SNX29: variants seen among roughly 807,000 people sequenced by gnomAD.
The protein encoded by SNX29 is sorting nexin 29.
SNX29 carries 78 observed loss-of-function variants against 102.1 expected under a neutral mutation model. That is an observed-to-expected ratio of 0.76 (90% CI 0.64 to 0.92). SNX29 has a LOEUF of 0.92. SNX29 is among the 40% of genes least tolerant of loss of function. SNX29 has a pLI of 0.00. For missense variants in SNX29, 1,280 were observed against 1,061.7 expected (o/e 1.21, Z -2.86); for synonymous variants, 580 against 414.5 (o/e 1.40, Z -4.85).
chr16:12,560,165 T>C (rs1187888134), intron 20 of SNX29, among the ~76,000 whole-genome samples: 2 of 133,074 alleles, frequency 1.5e-5, no homozygotes, highest in Admixed American at 1.7e-4. Flanking sequence ...AAAGCCTTTC[T>C]CACTTTTTTT....
At position 12,096,291 on chromosome 16, in the gene SNX29, T is replaced by A. The variant is rs570565440; in HGVS notation, c.1402+17376T>A. Among the ~76,000 whole-genome samples, 3 of 152,250 alleles carry A rather than the reference T, an allele frequency of 2.0e-5. No homozygotes were observed. Among genetic ancestry groups the A allele is most frequent in the Non-Finnish European group, 4.4e-5 (3 of 68,046 alleles). The stretch of plus-strand genomic sequence containing the variant: ...GAAGGTTCCAGATGGCATTTAGACA[T>A]GCCTCACTTCTTTATCATCTGTTTA... On this transcript the variant is annotated intron_variant, in intron 11 of 20. Transcript: ENST00000566228. The surrounding 1 kb of genome is among the most constrained non-coding windows in gnomAD (Gnocchi z 4.2).
intron 10 of SNX29, among the ~76,000 whole-genome samples, chr16:12,069,378 G>A (rs545981039): frequency 2.6e-5 from 4 of 151,938 alleles, no homozygotes; most frequent in South Asian, 2.1e-4. Context: ...CGATTCTCTT[G>A]CCTGAGCCTC....
Position 12,572,499 on chromosome 16 carries a change from G to C in SNX29, c.*3870G>C. The C allele has an allele frequency of 2.8e-6, 3 of 1,063,788 alleles. No individual in the cohort carries two copies. The highest frequency in any genetic ancestry group is 3.4e-6 in the Non-Finnish European group (3 of 878,308). 65.9% of individuals were successfully genotyped at this position (1,063,788 alleles called of 1,614,324 possible). Reference sequence around the variant, plus strand: ...ACCAGTTCTTGGGGTTCCAGGCCTCGGCCTTCCTGCTCCACGTGCTCAAGC... The same window carrying C: ...ACCAGTTCTTGGGGTTCCAGGCCTCCGCCTTCCTGCTCCACGTGCTCAAGC... On this transcript the variant is annotated 3_prime_UTR_variant, in exon 21 of 21. Coordinates refer to ENST00000566228, the MANE Select transcript of SNX29 (RefSeq NM_032167.5).
chr16:12,038,531 C>G (rs2057539639), intron 4 of SNX29, among the ~76,000 whole-genome samples: 1 of 152,142 alleles, frequency 6.6e-6, no homozygotes, highest in Non-Finnish European at 1.5e-5. Context: ...AGTGTATATC[C>G]CTAAATTAAA....
intron 13 of SNX29, among the ~76,000 whole-genome samples, chr16:12,130,915 G>A (rs950191674): frequency 8.5e-5 from 13 of 152,118 alleles, no homozygotes; most frequent in African/African-American, 2.9e-4. Context: ...GCGAGGCACC[G>A]AGATGGTTTC....
intron 20 of SNX29, among the ~76,000 whole-genome samples, chr16:12,562,622 G>C (rs2078791381): frequency 6.6e-6 from 1 of 152,222 alleles, no homozygotes; most frequent in Admixed American, 6.5e-5. Context: ...GAGAGCTACA[G>C]GCTATCAGGG....
chr16:12,140,377 G>A (rs1018513295), intron 13 of SNX29, among the ~76,000 whole-genome samples: 5 of 152,196 alleles, frequency 3.3e-5, no homozygotes, highest in Admixed American at 6.5e-5. Context: ...TCCCGGGCCA[G>A]CTGTGTTACT....
intron 11 of SNX29, among the ~76,000 whole-genome samples, chr16:12,115,479 C>T (rs1448208653): frequency 8.4e-6 from 1 of 118,702 alleles, no homozygotes; most frequent in Non-Finnish European, 1.7e-5. Flanking sequence ...GTTGCTCCAC[C>T]TTGATTTGTG....
chr16:12,024,386 T>C (rs1310554781), intron 3 of SNX29, among the ~76,000 whole-genome samples: 1 of 152,090 alleles, frequency 6.6e-6, no homozygotes. Flanking sequence ...CCCCAGGTGA[T>C]CCACCCGCCT....
intron 16 of SNX29, among the ~76,000 whole-genome samples, chr16:12,383,460 A>G (rs1332692204): frequency 6.6e-6 from 1 of 151,976 alleles, no homozygotes; most frequent in Non-Finnish European, 1.5e-5. Flanking sequence ...TTTTTGGGAC[A>G]GAGTCTCGCT....
intron 11 of SNX29, chr16:12,088,076 A>T (rs1596832331): frequency 2.2e-6 from 1 of 456,528 alleles, no homozygotes; most frequent in Non-Finnish European, 4.4e-6. Flanking sequence ...ATGACTGGGA[A>T]GGATGGGTGC....
intron 13 of SNX29, among the ~76,000 whole-genome samples, chr16:12,145,290 T>C (rs948045191): frequency 1.3e-5 from 2 of 152,186 alleles, no homozygotes; most frequent in African/African-American, 4.8e-5. Context: ...GACTGTAGCG[T>C]GATAATTATT....
intron 11 of SNX29, among the ~76,000 whole-genome samples, chr16:12,105,774 C>G (rs773632040): frequency 5.9e-5 from 9 of 152,160 alleles, no homozygotes; most frequent in Non-Finnish European, 1.2e-4. Flanking sequence ...GGTCCTGCTG[C>G]ACAGGTGAGC....
At position 12,568,682 on chromosome 16, in the gene SNX29, C is replaced by T. The variant is rs1284185102; in HGVS notation, c.*53C>T. On this transcript the variant is annotated 3_prime_UTR_variant, in exon 21 of 21. Coordinates refer to ENST00000566228, the MANE Select transcript of SNX29 (RefSeq NM_032167.5). ...TGTGCGTGGCACCAGCTGCGTCCAC[C>T]CCAGCCACTGCCGCTGGCCCCTCAC... 29 of 1,585,234 alleles carry T rather than the reference C, an allele frequency of 1.8e-5. No homozygotes were observed. The highest frequency in any genetic ancestry group is 2.5e-5 in the Non-Finnish European group (29 of 1,171,082).
chr16:12,312,751 G>A (rs1447948428), intron 15 of SNX29, among the ~76,000 whole-genome samples: 3 of 151,990 alleles, frequency 2.0e-5, no homozygotes, highest in Non-Finnish European at 4.4e-5. Flanking sequence ...TAACTTCCAT[G>A]GTAAGGGAGA....
chr16:12,032,055 C>A (rs1387792177), intron 4 of SNX29, among the ~76,000 whole-genome samples: 1 of 152,182 alleles, frequency 6.6e-6, no homozygotes, highest in Non-Finnish European at 1.5e-5. Context: ...ATTCTACTTT[C>A]TGCCTCAGTG....
At chr16:12,260,032 A>T (rs895430805) in intron 14 of SNX29, among the ~76,000 whole-genome samples, 1 of 152,084 alleles carries the variant, frequency 6.6e-6, no homozygotes, top group Non-Finnish European at 1.5e-5. Context: ...CCTGCAGGAG[A>T]CAGCTGCCAC....
chr16:12,441,038 G>C (rs974355745), intron 18 of SNX29, among the ~76,000 whole-genome samples: 2 of 150,396 alleles, frequency 1.3e-5, no homozygotes, highest in Non-Finnish European at 2.9e-5. Flanking sequence ...TTCACTTAGC[G>C]TAATATCCTC....
chr16:12,542,891 CATG>C (rs1423589175), intron 20 of SNX29, among the ~76,000 whole-genome samples: 2 of 152,002 alleles, frequency 1.3e-5, no homozygotes, highest in Admixed American at 6.6e-5. Flanking sequence ...GTCCCAGAAA[CATG>C]ATTTGAGTAG....
Sources: gnomAD v4.1 joint callset for allele counts (sites outside exome capture counted in the v4.1 genomes callset) on GRCh38, gnomAD v4.1.1 for gene constraint, Gnocchi (gnomAD v3.1) non-coding constraint, MANE v1.5 for transcripts, NCBI Gene and HGNC (gene_info 2026-07-23, HGNC 2026-07-21) for gene names.